The following ARHGEF11 variants were observed in gnomAD, a reference collection of about 807,000 sequenced individuals.
ARHGEF11 encodes the protein Rho guanine nucleotide exchange factor 11, also known as Rho guanine exchange factor (GEF) 11.
ARHGEF11 carries 55 observed loss-of-function variants against 193.7 expected under a neutral mutation model. That is an observed-to-expected ratio of 0.28 (90% confidence interval 0.23 to 0.36). ARHGEF11 has a LOEUF of 0.36. Ranked by LOEUF, ARHGEF11 falls within the 10% of genes least tolerant of loss-of-function variation. The pLI is 1.00. For missense variants in ARHGEF11, 1,723 were observed against 2,005.6 expected, an observed-to-expected ratio of 0.86 and a Z score of 2.69; for synonymous variants, 693 against 768.0, an observed-to-expected ratio of 0.90 and a Z score of 1.62.
At chr1:157,001,452 GT>G (rs1363560378) in intron 1 of ARHGEF11, among the ~76,000 whole-genome samples, 1 of 152,188 alleles carries the variant, frequency 6.6e-6, no homozygotes, top group Non-Finnish European at 1.5e-5. Context: ...TCTCTCTGTT[GT>G]TTACTCCATT....
Position 157,045,513 on chromosome 1 carries a change from T to C in ARHGEF11, c.-1183A>G, listed in dbSNP as rs1308019428. On this transcript the variant is annotated 5_prime_UTR_variant, in exon 1 of 41. Transcript: ENST00000368194. ...CAGACTCCTGGAAAATCCGATCGCC[T>C]GTCTCCTCTCGGCCTCTCCTTGCCT... 4 of 152,330 alleles carry C rather than the reference T, an allele frequency of 2.6e-5. No individual in the cohort carries two copies. Among genetic ancestry groups the C allele is most frequent in the Admixed American group, 2.6e-4 (4 of 15,280 alleles). 9.4% of individuals were successfully genotyped at this position (152,330 alleles called of 1,614,324 possible). A position where few individuals can be genotyped will look rare whatever the true frequency, so the allele number is the denominator to read the frequency against.
chr1:156,972,155 C>T (rs1226092393), intron 7 of ARHGEF11, among the ~76,000 whole-genome samples: 1 of 152,174 alleles, frequency 6.6e-6, no homozygotes, highest in South Asian at 2.1e-4. Flanking sequence ...TTTGATTGTC[C>T]AGACCAGAAC....
chr1:156,974,739 T>A (rs1048132221), intron 7 of ARHGEF11, among the ~76,000 whole-genome samples: 2 of 152,324 alleles, frequency 1.3e-5, no homozygotes, highest in South Asian at 4.1e-4. Context: ...TTTCGGACAC[T>A]CCATGTAAGT....
Position 156,946,036 on chromosome 1 carries a change from A to G in ARHGEF11, c.2812+9T>C. On this transcript the variant is annotated intron_variant, in intron 29 of 40. Coordinates refer to ENST00000368194, the MANE Select transcript of ARHGEF11 (RefSeq NM_198236.3). ...CTGCCTGTGATGCCAGCCCCTCCCC[A>G]GGTGCTACCCTCTGTGTGCTTGATG... 1.2e-6 allele frequency: 2 copies of G among 1,605,548 alleles called. No individual in the cohort carries two copies. The highest frequency in any genetic ancestry group is 1.7e-6 in the Non-Finnish European group (2 of 1,173,382).
intron 1 of ARHGEF11, among the ~76,000 whole-genome samples, chr1:157,034,660 A>T (rs1012877591): frequency 2.0e-5 from 3 of 152,228 alleles, no homozygotes; most frequent in African/African-American, 7.2e-5. Flanking sequence ...CCGTGTCTAA[A>T]GAGAACTAAG....
intron 28 of ARHGEF11, 129 bp downstream of exon 28, chr1:156,946,533 G>A (rs943096347): frequency 4.6e-5 from 60 of 1,308,146 alleles, no homozygotes; most frequent in Non-Finnish European, 6.2e-5. Flanking sequence ...TGCTTTTGAG[G>A]AGCGTGTGTC....
chr1:157,018,027 A>G (rs2102871421), intron 1 of ARHGEF11, among the ~76,000 whole-genome samples: 1 of 152,322 alleles, frequency 6.6e-6, no homozygotes, highest in East Asian at 1.9e-4. Flanking sequence ...TATAAAAATC[A>G]AGTATGTTTA....
chr1:156,937,469 G>A lies in ARHGEF11; in HGVS notation c.4220C>T (p.Ser1407Leu). ...TGNCFYVSMP[S>L]GPPDSSTDHS... ...GTCGGTGCTTGAGTCCGGGGGTCCT[G>A]ATGGCATGCTGACATAAAAGCAGTT... Residue 1407 changes from serine (S) to leucine (L), a missense_variant, in exon 39 of 41, where the codon TCA becomes TTA. Around this residue, in one of 5 missense-constraint regions of ARHGEF11, gnomAD observed 360 missense variants for 344.4 expected, o/e 1.05. Coordinates refer to ENST00000368194, the MANE Select transcript of ARHGEF11 (RefSeq NM_198236.3). 6.5e-7 allele frequency: 1 copy of A among 1,533,912 alleles called. No individual in the cohort carries two copies. Among genetic ancestry groups the A allele is most frequent in the South Asian group, 1.3e-5 (1 of 77,102 alleles).
At chr1:156,995,164 A>G (rs1028215050) in intron 1 of ARHGEF11, among the ~76,000 whole-genome samples, 2 of 152,162 alleles carry the variant, frequency 1.3e-5, no homozygotes, top group African/African-American at 4.8e-5. Flanking sequence ...TGGCCTCCCC[A>G]TGTCTACTCT....
Position 156,963,183 on chromosome 1 carries a change from G to C in ARHGEF11, c.1140+20C>G. ...CCAGTACCAGCAGGCACTCAATCAA[G>C]ACAGATGATTCTGACTTACCAGTGG... On this transcript the variant is annotated intron_variant, in intron 13 of 40. Coordinates refer to ENST00000368194, the MANE Select transcript of ARHGEF11 (RefSeq NM_198236.3). 6.3e-7 allele frequency: 1 copy of C among 1,590,256 alleles called. No individual in the cohort carries two copies.
intron 1 of ARHGEF11, among the ~76,000 whole-genome samples, chr1:157,009,808 T>G (rs1320332263): frequency 1.3e-5 from 2 of 152,216 alleles, no homozygotes; most frequent in Non-Finnish European, 2.9e-5. Context: ...GTAATCTTAT[T>G]ATTTGCCACT....
chr1:156,980,339 G>T, intron 4 of ARHGEF11, 98 bp downstream of exon 4: 2 of 1,429,144 alleles, frequency 1.4e-6, no homozygotes, highest in South Asian at 1.2e-5. Context: ...CTGGCAGTTG[G>T]TATCAAGATG....
intron 1 of ARHGEF11, among the ~76,000 whole-genome samples, chr1:157,025,344 T>C (rs1179819125): frequency 1.3e-5 from 2 of 152,208 alleles, no homozygotes; most frequent in African/African-American, 2.4e-5. Context: ...CCGATGCATG[T>C]CGAAGATAAA....
At chr1:157,017,794 G>A (rs112977521) in intron 1 of ARHGEF11, among the ~76,000 whole-genome samples, 1 of 150,556 alleles carries the variant, frequency 6.6e-6, no homozygotes. Flanking sequence ...TCTGGTAAGA[G>A]AGAATCTAAC....
chr1:156,962,340 GAAGAATAC>G (rs1204880672), intron 13 of ARHGEF11, among the ~76,000 whole-genome samples: 1 of 152,078 alleles, frequency 6.6e-6, no homozygotes, highest in African/African-American at 2.4e-5. Context: ...AGTTTATTCT[GAAGAATAC>G]AACCGCAACT....
At chr1:157,032,233 A>C (rs1671394429) in intron 1 of ARHGEF11, among the ~76,000 whole-genome samples, 1 of 152,240 alleles carries the variant, frequency 6.6e-6, no homozygotes, top group Non-Finnish European at 1.5e-5. Context: ...AAGCTTACAA[A>C]GTGACCAGTC....
Position 157,044,488 on chromosome 1 carries a change from TC to T in ARHGEF11, c.-159del. ...CTCTCAGGACCCTGGTAACTGATGC[TC>T]CACTCTACTTCTACCAGTGAACATG... is the stretch of plus-strand genomic sequence containing the variant. On this transcript the variant is annotated 5_prime_UTR_variant, in exon 1 of 41. It removes the in-frame stop codon of an upstream open reading frame in the 5' UTR. Transcript: ENST00000368194. 1.5e-6 allele frequency: 1 copy of T among 670,060 alleles called. No homozygotes were observed. The allele number at this position is 670,060 out of a possible 1,614,324, so 41.5% of individuals were successfully genotyped here. A position where few individuals can be genotyped will look rare whatever the true frequency, so the allele number is the denominator to read the frequency against.
At chr1:157,017,118 T>C (rs906033943) in intron 1 of ARHGEF11, among the ~76,000 whole-genome samples, 2 of 152,208 alleles carry the variant, frequency 1.3e-5, no homozygotes, top group South Asian at 2.1e-4. Context: ...ACAATCAGGA[T>C]GGCGAAGAGG....
chr1:156,970,116 G>A (rs1346759640), intron 8 of ARHGEF11, 73 bp from the exon 9 acceptor site: 1 of 1,368,072 alleles, frequency 7.3e-7, no homozygotes, highest in Non-Finnish European at 1.0e-6. Flanking sequence ...TCACCAATCA[G>A]TGCCTTATTT....
Sources: gnomAD v4.1 joint callset for allele counts (sites outside exome capture counted in the v4.1 genomes callset) on GRCh38, gnomAD v4.1.1 for gene constraint, gnomAD v4.1.1 regional missense constraint, MANE v1.5 for transcripts, NCBI Gene and HGNC (gene_info 2026-07-23, HGNC 2026-07-21) for gene names.